CRAMP1: variants seen among roughly 807,000 people sequenced by gnomAD.
The protein encoded by CRAMP1 is cramped chromatin regulator 1, also known as protein cramped-like.
Under a neutral mutation model 115.4 loss-of-function variants are expected in CRAMP1, and 50 were observed. That is an observed-to-expected ratio of 0.43 (90% CI 0.35 to 0.55). The LOEUF (loss-of-function observed/expected upper bound fraction) is 0.55. Among genes scored for constraint, CRAMP1 ranks in the 20% least tolerant of loss-of-function variants. The pLI is 0.01. For synonymous variants in CRAMP1, 866 were observed against 745.4 expected, an observed-to-expected ratio of 1.16 and a Z score of -2.64; for missense variants, 1,679 against 1,721.7, an observed-to-expected ratio of 0.98 and a Z score of 0.44.
At chr16:1,655,399 G>A (rs1002829222) in intron 9 of CRAMP1, 99 bp downstream of exon 9, 24 of 964,672 alleles carry the variant, frequency 2.5e-5, no homozygotes, top group East Asian at 4.8e-5. Context: ...CATGGTCCCC[G>A]TGGGCAGAAC....
At chr16:1,644,266 G>GT (rs2036656207) in intron 6 of CRAMP1, among the ~76,000 whole-genome samples, 2 of 152,224 alleles carry the variant, frequency 1.3e-5, no homozygotes, top group South Asian at 4.1e-4. Flanking sequence ...CGGAGAAAAG[G>GT]TTTGGAACAG....
intron 8 of CRAMP1, 146 bp downstream of exon 8, chr16:1,653,302 G>A (rs2036740126): frequency 2.0e-6 from 2 of 976,906 alleles, no homozygotes; most frequent in African/African-American, 1.6e-5. Flanking sequence ...CAGTGTGGAG[G>A]CGACTGGAGT....
intron 10 of CRAMP1, among the ~76,000 whole-genome samples, chr16:1,658,228 A>G (rs1286487741): frequency 1.3e-5 from 2 of 151,792 alleles, no homozygotes; most frequent in East Asian, 3.9e-4. Context: ...GTGGAGACTG[A>G]GCCCAACCCT....
intron 2 of CRAMP1, among the ~76,000 whole-genome samples, chr16:1,620,091 G>A (rs959970864): frequency 6.6e-6 from 1 of 152,114 alleles, no homozygotes; most frequent in African/African-American, 2.4e-5. Context: ...TTGCTTGAAG[G>A]GTCCCCCCAT....
intron 4 of CRAMP1, 88 bp from the exon 5 acceptor site, chr16:1,637,736 C>CCA: frequency 1.8e-6 from 1 of 555,990 alleles, no homozygotes; most frequent in Non-Finnish European, 3.1e-6. Context: ...ATCCAAGAAA[C>CCA]CACGTGAGCC....
Position 1,659,887 on chromosome 16 carries a change from C to T in CRAMP1, c.2237C>T (p.Ala746Val). The change falls in exon 11 of 21, where the codon GCT becomes GTT. Residue 746 changes from alanine to valine, a missense_variant and splice_region_variant. Coordinates refer to ENST00000397412, the MANE Select transcript of CRAMP1 (RefSeq NM_020825.4). ...TTGTTTGGCCCATTTCTGTCCTAGGCTCTGGAAGCAAACACCATCTCTACA... is the reference window on the plus strand; with the variant it reads ...TTGTTTGGCCCATTTCTGTCCTAGGTTCTGGAAGCAAACACCATCTCTACA... Reference protein sequence around the residue: ...LISTEVNPKLALEANTISTAS... With the variant: ...LISTEVNPKLVLEANTISTAS... The T allele has an allele frequency of 6.2e-7, 1 of 1,613,304 alleles. No homozygotes were observed. Among genetic ancestry groups the T allele is most frequent in the Admixed American group, 1.7e-5 (1 of 59,992 alleles).
At chr16:1,667,074 A>G (rs1489802195) in intron 16 of CRAMP1, among the ~76,000 whole-genome samples, 2 of 152,186 alleles carry the variant, frequency 1.3e-5, no homozygotes, top group Non-Finnish European at 2.9e-5. Context: ...CAGGGAGCCC[A>G]GCCCTGCCTG....
rs1326404509 is a variant in CRAMP1, at chr16:1,668,211, T to G, written c.3334+18T>G. ...TCAGTACGGTAAGGGCAGGGCGGCC[T>G]CACAGCCCTTCCTGTCATCAGGTGT... On this transcript the variant is annotated intron_variant, in intron 18 of 20. Coordinates refer to ENST00000397412, the MANE Select transcript of CRAMP1 (RefSeq NM_020825.4). The G allele has an allele frequency of 1.3e-6, 2 of 1,532,500 alleles. No individual in the cohort carries two copies. Among genetic ancestry groups the G allele is most frequent in the Admixed American group, 3.3e-5 (2 of 59,898 alleles). 94.9% of individuals were successfully genotyped at this position (1,532,500 alleles called of 1,614,324 possible). A position where few individuals can be genotyped will look rare whatever the true frequency, so the allele number is the denominator to read the frequency against.
chr16:1,674,231 G>A lies in CRAMP1; in HGVS notation c.*186G>A, dbSNP rs1296168450. On this transcript the variant is annotated 3_prime_UTR_variant, in exon 21 of 21. Coordinates refer to ENST00000397412, the MANE Select transcript of CRAMP1 (RefSeq NM_020825.4). ...ACGGCGTCCAAGGAGACTAGGATGA[G>A]TTCTTGGCAAGGGCCAGCGTTAGAA... 6.5e-6 allele frequency: 4 copies of A among 618,754 alleles called. No individual in the cohort carries two copies. Among genetic ancestry groups the A allele is most frequent in the Non-Finnish European group, 1.1e-5 (4 of 355,926 alleles). The allele number at this position is 618,754 out of a possible 1,614,324, so 38.3% of individuals were successfully genotyped here.
At chr16:1,633,420 T>C (rs1289252377) in intron 4 of CRAMP1, among the ~76,000 whole-genome samples, 1 of 152,268 alleles carries the variant, frequency 6.6e-6, no homozygotes, top group East Asian at 1.9e-4. Flanking sequence ...CGGCTGTTGG[T>C]CTCTGCACAT....
Position 1,659,795 on chromosome 16 carries a change from G to A in CRAMP1, c.2236-91G>A, listed in dbSNP as rs915992246. 1.9e-5 allele frequency: 24 copies of A among 1,236,134 alleles called. No homozygotes were observed. In the East Asian group the frequency reaches 2.1e-4, roughly 11 times the overall value. The allele number at this position is 1,236,134 out of a possible 1,614,324, so 76.6% of individuals were successfully genotyped here. Reference sequence around the variant, plus strand: ...TCATGACACTGTGCTTTCTGAGCTCGATGATTTTCTTGTGCCTCCTACTCC... The same window carrying A: ...TCATGACACTGTGCTTTCTGAGCTCAATGATTTTCTTGTGCCTCCTACTCC... On this transcript the variant is annotated intron_variant, in intron 10 of 20. Coordinates refer to ENST00000397412, the MANE Select transcript of CRAMP1 (RefSeq NM_020825.4).
chr16:1,613,438 G>A (rs1259459283), intron 1 of CRAMP1, among the ~76,000 whole-genome samples: 3 of 152,170 alleles, frequency 2.0e-5, no homozygotes, highest in African/African-American at 7.2e-5. Flanking sequence ...CCTCGATCGT[G>A]TGTTCCTTTG....
chr16:1,639,295 A>G (rs2036613002), intron 5 of CRAMP1, among the ~76,000 whole-genome samples: 1 of 151,946 alleles, frequency 6.6e-6, no homozygotes, highest in African/African-American at 2.4e-5. Flanking sequence ...TGAAGCAACA[A>G]AAGCAGAGAT....
At chr16:1,661,133 T>A (rs1474120671) in intron 11 of CRAMP1, among the ~76,000 whole-genome samples, 1 of 152,004 alleles carries the variant, frequency 6.6e-6, no homozygotes, top group Non-Finnish European at 1.5e-5. Context: ...CTGGGCAACA[T>A]AGCAAGACCC....
At chr16:1,615,109 T>C (rs2301458) in intron 2 of CRAMP1, 124 bp downstream of exon 2, 55,108 of 485,088 alleles carry the variant, frequency 0.11, 4,867 homozygotes, top group African/African-American at 0.32. Context: ...ACACTGAGGC[T>C]CTCAATTTGG....
chr16:1,628,405 C>T (rs2036523391), intron 3 of CRAMP1, among the ~76,000 whole-genome samples: 1 of 152,194 alleles, frequency 6.6e-6, no homozygotes. Flanking sequence ...AGGTGCCCGC[C>T]ACCACACCCG....
At chr16:1,653,673 CA>C (rs899689932) in intron 8 of CRAMP1, among the ~76,000 whole-genome samples, 31 of 143,248 alleles carry the variant, frequency 2.2e-4, no homozygotes, top group East Asian at 6.0e-4. Flanking sequence ...ACTAAAAATA[CA>C]AAAAAAAAAG....
intron 3 of CRAMP1, among the ~76,000 whole-genome samples, chr16:1,629,976 C>T (rs1400080606): frequency 6.6e-6 from 1 of 151,940 alleles, no homozygotes; most frequent in African/African-American, 2.4e-5. Context: ...ATGCCACCTC[C>T]CCTCTGGCCC....
rs368039138 is a variant in CRAMP1 at position 1,667,400 on chromosome 16, G to A, written c.3102G>A (p.Gln1034=). 2 of 1,611,666 alleles carry A rather than the reference G, an allele frequency of 1.2e-6. No individual in the cohort carries two copies. Among genetic ancestry groups the A allele is most frequent in the East Asian group, 2.2e-5 (1 of 44,882 alleles). ...PEQEPVADSF[Q]GSSVLSLSEL... ...AGGAGCCAGTGGCAGACAGTTTCCA[G>A]GTAGAGTGTGCTCTTGGGCTGCTGA... The change falls in exon 17 of 21, where the codon CAG becomes CAA. Residue 1034 remains glutamine, a splice_region_variant and synonymous_variant. Transcript: ENST00000397412.
Sources: gnomAD v4.1 joint callset for allele counts (sites outside exome capture counted in the v4.1 genomes callset) on GRCh38, gnomAD v4.1.1 for gene constraint, MANE v1.5 for transcripts, NCBI Gene and HGNC (gene_info 2026-07-23, HGNC 2026-07-21) for gene names.